Variants in GSDME observed in about 807,000 individuals in gnomAD.
The protein encoded by GSDME is gasdermin-E.
A neutral mutation model predicts 47.5 loss-of-function variants in GSDME; 44 were observed. That is an observed-to-expected ratio of 0.93 (90% CI 0.73 to 1.19). The LOEUF (loss-of-function observed/expected upper bound fraction) is 1.19, where lower values mean the gene tolerates loss of function less well. Among genes scored for constraint, GSDME ranks in the 50% most tolerant of loss-of-function variants. The probability of loss-of-function intolerance (pLI) is 0.00; values close to 1 mark genes in which losing one functional copy is unlikely to be tolerated. For synonymous variants in GSDME, 258 were observed against 252.8 expected (o/e 1.02, Z -0.20); for missense variants, 663 against 604.2 (o/e 1.10, Z -1.02).
Position 24,732,238 on chromosome 7 carries a change from C to A in GSDME, c.404+12324G>T, listed in dbSNP as rs1790169364. 6.6e-6 allele frequency among the ~76,000 whole-genome samples: 1 copy of A among 152,206 alleles called. No homozygotes were observed. The highest frequency in any genetic ancestry group is 6.5e-5 in the Admixed American group (1 of 15,282). On this transcript the variant is annotated intron_variant, in intron 3 of 9. Coordinates refer to ENST00000645220, the MANE Select transcript of GSDME (RefSeq NM_001127453.2). The surrounding 1 kb of genome is among the most constrained non-coding windows in gnomAD (Gnocchi z 4.8). ...AAAGACAAATGGGATGATTTTCAAA[C>A]CCTCTGGTAGCCATTGGGAAATTGA...
chr7:24,713,725 A>C (rs1395722546), intron 5 of GSDME, among the ~76,000 whole-genome samples: 1 of 152,262 alleles, frequency 6.6e-6, no homozygotes, highest in Non-Finnish European at 1.5e-5. Flanking sequence ...GTGTCTGAGC[A>C]GGTGAGTGAA....
chr7:24,728,508 G>C lies in GSDME; in HGVS notation c.405-9290C>G, dbSNP rs916010519. Among the ~76,000 whole-genome samples, 1 of 152,254 alleles carries C rather than the reference G, an allele frequency of 6.6e-6. No homozygotes were observed. The highest frequency in any genetic ancestry group is 1.5e-5 in the Non-Finnish European group (1 of 68,048). On this transcript the variant is annotated intron_variant, in intron 3 of 9. Coordinates refer to ENST00000645220, the MANE Select transcript of GSDME (RefSeq NM_001127453.2). This position sits in a 1 kb window ranked among gnomAD's most constrained non-coding sequence, Gnocchi z 7.2. ...ACTCAGAAGCCAAGGGGCTGGGTGA[G>C]AATGCAGCTCAGCACCATCCACCCT... is the stretch of plus-strand genomic sequence containing the variant.
At chr7:24,704,632 C>G (rs1189271905) in intron 8 of GSDME, 2 of 152,154 alleles carry the variant, frequency 1.3e-5, no homozygotes, top group Admixed American at 6.5e-5. Context: ...AAAGATTTCA[C>G]TACCTCTGAG....
chr7:24,781,324 T>C, the GSDME span, among the ~76,000 whole-genome samples: 4 of 152,308 alleles, frequency 2.6e-5, no homozygotes, highest in South Asian at 6.2e-4. Flanking sequence ...CATGGAGATC[T>C]GGGCTGAGAG....
chr7:24,735,760 AAAAT>A lies in GSDME; in HGVS notation c.404+8798_404+8801del, dbSNP rs147090379. Among the ~76,000 whole-genome samples, 65,648 of 142,632 alleles carry A rather than the reference AAAAT, an allele frequency of 0.46. 15,621 individuals are homozygous for A. The highest frequency in any genetic ancestry group is 0.53 in the Non-Finnish European group (34,581 of 65,550). 93.6% of individuals were successfully genotyped at this position (142,632 alleles called of 152,430 possible). On this transcript the variant is annotated intron_variant, in intron 3 of 9. Transcript: ENST00000645220. This position sits in a 1 kb window ranked among gnomAD's most constrained non-coding sequence, Gnocchi z 4.4. ...GTGACAACAGCAAAACTCTATCTCA[AAAAT>A]AAATAAATAAATAAATAAATAAATA...
rs1790044765 is a variant in GSDME at position 24,728,546 on chromosome 7, C to A, written c.405-9328G>T. On this transcript the variant is annotated intron_variant, in intron 3 of 9. Transcript: ENST00000645220. This position sits in a 1 kb window ranked among gnomAD's most constrained non-coding sequence, Gnocchi z 7.2. ...CACCATCCACCCTCGAAGCTCTGCG[C>A]CCATCTGCCTCTCCCTCCTGAACCT... 6.6e-6 allele frequency among the ~76,000 whole-genome samples: 1 copy of A among 152,130 alleles called. No individual in the cohort carries two copies. Among genetic ancestry groups the A allele is most frequent in the Non-Finnish European group, 1.5e-5 (1 of 68,014 alleles).
intron 7 of GSDME, 52 bp downstream of exon 7, chr7:24,708,073 CCT>C (rs1414748599): frequency 3.1e-6 from 5 of 1,609,914 alleles, no homozygotes; most frequent in Non-Finnish European, 3.4e-6. Context: ...TGCCTCCTCC[CCT>C]GTTCCAGAAA....
chr7:24,753,552 T>C (rs987132073), intron 1 of GSDME, among the ~76,000 whole-genome samples: 1 of 152,100 alleles, frequency 6.6e-6, no homozygotes, highest in Non-Finnish European at 1.5e-5. Context: ...GCTAGAACAA[T>C]GGGTAAATGC....
chr7:24,744,813 G>C lies in GSDME; in HGVS notation c.212-59C>G. ...GATGATAAGGCCACCAAGATGTCTT[G>C]GGTCATTTAGCTTTCCAAGCCTGTG... On this transcript the variant is annotated intron_variant, in intron 2 of 9. Transcript: ENST00000645220. The surrounding 1 kb of genome is among the most constrained non-coding windows in gnomAD (Gnocchi z 4.5). 6.3e-7 allele frequency: 1 copy of C among 1,580,542 alleles called. No homozygotes were observed. Among genetic ancestry groups the C allele is most frequent in the Non-Finnish European group, 8.7e-7 (1 of 1,154,516 alleles).
chr7:24,763,655 T>G, the GSDME span, among the ~76,000 whole-genome samples: 2 of 152,204 alleles, frequency 1.3e-5, no homozygotes, highest in South Asian at 4.1e-4. This position sits in a 1 kb window ranked among gnomAD's most constrained non-coding sequence, Gnocchi z 4.3. Context: ...AGACTGATAG[T>G]GGGTAACTGA....
intron 8 of GSDME, chr7:24,704,621 T>TA (rs1789017316): frequency 6.6e-6 from 1 of 152,322 alleles, no homozygotes; most frequent in South Asian, 2.1e-4. Context: ...CAGCTGCACC[T>TA]AAAGATTTCA....
rs780811982 is a variant in GSDME at position 24,706,267 on chromosome 7, A to G, written c.1100T>C (p.Leu367Ser). ...VAFLQLVGCS[L>S]QGGCPGPEDA... Reference sequence around the variant, plus strand: ...CTCGGGGCCCGGACACCCACCCTGTAAGCTGCACCCCACCAGCTGCAGGAA... The same window carrying G: ...CTCGGGGCCCGGACACCCACCCTGTGAGCTGCACCCCACCAGCTGCAGGAA... The change falls in exon 8 of 10, where the codon TTA becomes TCA. Residue 367 changes from leucine (L) to serine (S), a missense_variant. Transcript: ENST00000645220. 2 of 1,614,142 alleles carry G rather than the reference A, an allele frequency of 1.2e-6. No homozygotes were observed. Among genetic ancestry groups the G allele is most frequent in the Admixed American group, 1.7e-5 (1 of 60,028 alleles).
chr7:24,785,779 A>G, the GSDME span, among the ~76,000 whole-genome samples: 1 of 152,176 alleles, frequency 6.6e-6, no homozygotes, highest in Non-Finnish European at 1.5e-5. Flanking sequence ...AAACATGTCA[A>G]GCACACTGGT....
the GSDME span, among the ~76,000 whole-genome samples, chr7:24,776,775 A>AT: frequency 6.6e-6 from 1 of 152,104 alleles, no homozygotes; most frequent in East Asian, 1.9e-4. Context: ...TCTAAAGGTG[A>AT]TTTACTTTCT....
At chr7:24,741,268 G>A (rs566955911) in intron 3 of GSDME, among the ~76,000 whole-genome samples, 1 of 152,110 alleles carries the variant, frequency 6.6e-6, no homozygotes, top group African/African-American at 2.4e-5. Context: ...GGAAGACAAG[G>A]CAGACAAATG....
chr7:24,774,693 T>G, the GSDME span, among the ~76,000 whole-genome samples: 9 of 151,936 alleles, frequency 5.9e-5, no homozygotes, highest in South Asian at 2.1e-4. Flanking sequence ...CCACCACACC[T>G]GGCTAATTTT....
At chr7:24,791,298 G>A in the GSDME span, among the ~76,000 whole-genome samples, 1 of 152,186 alleles carries the variant, frequency 6.6e-6, no homozygotes, top group Non-Finnish European at 1.5e-5. The surrounding 1 kb of genome is among the most constrained non-coding windows in gnomAD (Gnocchi z 4.8). Flanking sequence ...CATTGTCCAA[G>A]CCAATTCATA....
the GSDME span, among the ~76,000 whole-genome samples, chr7:24,769,360 G>A: frequency 6.6e-6 from 1 of 152,194 alleles, no homozygotes; most frequent in South Asian, 2.1e-4. Flanking sequence ...GGTTCTCACA[G>A]GGAATATCAG....
rs1380893470 is a variant in GSDME at position 24,742,766 on chromosome 7, C to G, written c.404+1796G>C. 6.6e-6 allele frequency among the ~76,000 whole-genome samples: 1 copy of G among 152,190 alleles called. No individual in the cohort carries two copies. Among genetic ancestry groups the G allele is most frequent in the Non-Finnish European group, 1.5e-5 (1 of 68,036 alleles). ...GGACACCCCCCGCCTCCCTTTTCCC[C>G]TTCCCCAGTGCCACCAGATTTAGCA... On this transcript the variant is annotated intron_variant, in intron 3 of 9. Coordinates refer to ENST00000645220, the MANE Select transcript of GSDME (RefSeq NM_001127453.2). This position sits in a 1 kb window ranked among gnomAD's most constrained non-coding sequence, Gnocchi z 4.4.
Sources: allele counts gnomAD v4.1 joint callset (sites outside exome capture counted in the v4.1 genomes callset), GRCh38; gene constraint gnomAD v4.1.1; non-coding constraint Gnocchi (gnomAD v3.1); transcripts MANE v1.5; gene names NCBI Gene and HGNC (gene_info 2026-07-23, HGNC 2026-07-21).